SPAG9: variants seen among roughly 807,000 people sequenced by gnomAD.
SPAG9 encodes the protein C-Jun-amino-terminal kinase-interacting protein 4.
In SPAG9, 35 loss-of-function variants were observed where a neutral mutation model predicts 166.5. That is an observed-to-expected ratio of 0.21 (90% confidence interval 0.16 to 0.28). SPAG9 has a LOEUF of 0.28. SPAG9 is among the 10% of genes least tolerant of loss of function. The pLI is 1.00. For synonymous variants in SPAG9, 534 were observed against 565.5 expected, an observed-to-expected ratio of 0.94 and a Z score of 0.79; for missense variants, 1,235 against 1,603.3, an observed-to-expected ratio of 0.77 and a Z score of 3.92.
At chr17:51,027,994 G>C (rs1376303596) in intron 6 of SPAG9, among the ~76,000 whole-genome samples, 1 of 151,498 alleles carries the variant, frequency 6.6e-6, no homozygotes, top group Non-Finnish European at 1.5e-5. Flanking sequence ...TGACATTGAT[G>C]ATCCTGACCC....
chr17:51,077,057 G>GCTATCTAGCTAGCTAT (rs1466074931), intron 2 of SPAG9, among the ~76,000 whole-genome samples: 1 of 126,808 alleles, frequency 7.9e-6, no homozygotes, highest in Non-Finnish European at 1.8e-5. Context: ...TATCTAGCTA[G>GCTATCTAGCTAGCTAT]CTATCTAGCT....
At chr17:51,023,385 C>T (rs529413331) in intron 6 of SPAG9, 3 of 255,088 alleles carry the variant, frequency 1.2e-5, no homozygotes, top group South Asian at 1.1e-4. Flanking sequence ...ATTGCCACAT[C>T]GATTTAGCTA....
At chr17:51,046,923 A>G (rs1358396079) in intron 4 of SPAG9, 7 of 1,486,830 alleles carry the variant, frequency 4.7e-6, no homozygotes, top group Non-Finnish European at 6.3e-6. Flanking sequence ...TTTCCCCTCC[A>G]CTAAGAGTCC....
chr17:51,028,182 A>G (rs1196451415), intron 6 of SPAG9, among the ~76,000 whole-genome samples: 1 of 152,188 alleles, frequency 6.6e-6, no homozygotes, highest in Non-Finnish European at 1.5e-5. Context: ...ATTATTACAA[A>G]AAAATCAAAA....
At chr17:50,977,059 C>T (rs1974257356) in intron 27 of SPAG9, 49 bp downstream of exon 27, 1 of 1,157,466 alleles carries the variant, frequency 8.6e-7, no homozygotes, top group African/African-American at 1.5e-5. Context: ...TAACTATTTC[C>T]TATAATTCTC....
intron 4 of SPAG9, chr17:51,042,511 G>T (rs1353358388): frequency 6.6e-6 from 1 of 152,146 alleles, no homozygotes; most frequent in Non-Finnish European, 1.5e-5. Flanking sequence ...AGAAAGAAAT[G>T]ATACACTAAA....
chr17:51,089,657 T>TACAC (rs1486393423), intron 1 of SPAG9, among the ~76,000 whole-genome samples: 2 of 105,068 alleles, frequency 1.9e-5, no homozygotes, highest in African/African-American at 7.7e-5. Flanking sequence ...TATATATATA[T>TACAC]ATATATACAC....
chr17:51,030,517 T>C (rs376352714), intron 6 of SPAG9, among the ~76,000 whole-genome samples: 1 of 152,202 alleles, frequency 6.6e-6, no homozygotes, highest in Non-Finnish European at 1.5e-5. Flanking sequence ...CTCTAAAGCA[T>C]TGGTTCTTAA....
intron 1 of SPAG9, among the ~76,000 whole-genome samples, chr17:51,117,708 CAAAAAAAAAAAA>C (rs397856959): frequency 7.2e-5 from 3 of 41,738 alleles, no homozygotes; most frequent in South Asian, 1.3e-3. Context: ...GACTCCGTCT[CAAAAAAAAAAAA>C]AAAAAAAAAA....
intron 19 of SPAG9, among the ~76,000 whole-genome samples, chr17:50,991,593 T>G (rs1029810043): frequency 6.6e-6 from 1 of 152,018 alleles, no homozygotes; most frequent in African/African-American, 2.4e-5. Flanking sequence ...AATATTGGCA[T>G]TAATATTTAT....
intron 3 of SPAG9, among the ~76,000 whole-genome samples, chr17:51,047,840 T>C (rs1450974065): frequency 6.6e-6 from 1 of 152,036 alleles, no homozygotes; most frequent in Non-Finnish European, 1.5e-5. Flanking sequence ...TAGATGGCAT[T>C]TGAGAAAGCC....
chr17:51,036,305 G>C (rs1042212935), intron 5 of SPAG9, among the ~76,000 whole-genome samples: 7 of 151,908 alleles, frequency 4.6e-5, no homozygotes, highest in African/African-American at 1.7e-4. Flanking sequence ...AGTTACTCCT[G>C]TTACTGGCCC....
At chr17:51,053,836 T>TAAA (rs1196039200) in intron 3 of SPAG9, among the ~76,000 whole-genome samples, 12 of 25,280 alleles carry the variant, frequency 4.7e-4, no homozygotes, top group Admixed American at 7.1e-4. Context: ...AGACCCTAAT[T>TAAA]AAAAAAAAAA....
chr17:51,104,579 C>T (rs555062697), intron 1 of SPAG9, among the ~76,000 whole-genome samples: 22 of 151,738 alleles, frequency 1.4e-4, no homozygotes, highest in Non-Finnish European at 2.6e-4. Flanking sequence ...GAGGTGATGG[C>T]GAGGCGAGTT....
At position 50,970,835 on chromosome 17, in the gene SPAG9, C is replaced by T. The variant is rs758778506; in HGVS notation, c.3722G>A (p.Ser1241Asn). 7 of 1,613,914 alleles carry T rather than the reference C, an allele frequency of 4.3e-6. No homozygotes were observed. The highest frequency in any genetic ancestry group is 3.3e-5 in the Admixed American group (2 of 60,000). ...AVPGQVISPQ[S>N]SSSGTDLTGD... ...CGTCAGATCCGTGCCACTACTGCTACTTTGTGGGCTGATGACTTGACCTGT... is the reference window on the plus strand; with the variant it reads ...CGTCAGATCCGTGCCACTACTGCTATTTTGTGGGCTGATGACTTGACCTGT... Residue 1241 changes from serine (S) to asparagine (N), a missense_variant, in exon 29 of 30, where the codon AGT (serine) becomes AAT (asparagine). Ser to Asn is a conservative substitution (Grantham distance 46, BLOSUM62 1). Around this residue, in one of 6 missense-constraint regions of SPAG9, gnomAD observed 243 missense variants for 358.6 expected, o/e 0.68. Coordinates refer to ENST00000262013, the MANE Select transcript of SPAG9 (RefSeq NM_001130528.3).
At chr17:51,089,480 C>T (rs967306537) in intron 1 of SPAG9, among the ~76,000 whole-genome samples, 13 of 149,826 alleles carry the variant, frequency 8.7e-5, no homozygotes, top group Admixed American at 4.7e-4. Flanking sequence ...ACCGAAATCT[C>T]GGAAATCACC....
At chr17:51,004,858 TG>T (rs1268109430) in intron 12 of SPAG9, among the ~76,000 whole-genome samples, 2 of 152,252 alleles carry the variant, frequency 1.3e-5, no homozygotes, top group Non-Finnish European at 2.9e-5. Context: ...TTTTTAATAC[TG>T]TTAAATAATT....
rs1316663141 is a variant in SPAG9 at position 51,072,508 on chromosome 17, C to T, written c.424+7076G>A. On this transcript the variant is annotated intron_variant, in intron 2 of 29. Coordinates refer to ENST00000262013, the MANE Select transcript of SPAG9 (RefSeq NM_001130528.3). ...GACCAGCCTGGCCAAAAGGGTGAAA[C>T]TCCATCTCTACTAAAAATACAAAAA... 2.6e-5 allele frequency among the ~76,000 whole-genome samples: 4 copies of T among 151,508 alleles called. No individual in the cohort carries two copies. In the East Asian group the frequency reaches 7.9e-4, roughly 30 times the overall value.
chr17:50,992,760 C>A (rs368320384), intron 19 of SPAG9, among the ~76,000 whole-genome samples: 1 of 151,972 alleles, frequency 6.6e-6, no homozygotes, highest in Non-Finnish European at 1.5e-5. Flanking sequence ...CCCAGTACTT[C>A]GGGAGGACGA....
Sources: gnomAD v4.1 joint callset for allele counts (sites outside exome capture counted in the v4.1 genomes callset) on GRCh38, gnomAD v4.1.1 for gene constraint, gnomAD v4.1.1 regional missense constraint, MANE v1.5 for transcripts, NCBI Gene and HGNC (gene_info 2026-07-23, HGNC 2026-07-21) for gene names.